LHFPL5: variants seen among roughly 807,000 people sequenced by gnomAD.
LHFPL5 encodes the protein LHFPL tetraspan subfamily member 5, also known as LHFPL tetraspan subfamily member 5 protein.
Under a neutral mutation model 18.7 loss-of-function variants are expected in LHFPL5, and 12 were observed. The ratio of observed to expected loss-of-function variants is 0.64; its 90% CI spans 0.41 to 1.04. The LOEUF is 1.04. Among genes scored for constraint, LHFPL5 ranks in the 50% least tolerant of loss-of-function variants. The pLI, the probability that LHFPL5 is intolerant of heterozygous loss-of-function variation, is 0.00. For missense variants in LHFPL5, 259 were observed against 292.1 expected (o/e 0.89, Z 0.83); for synonymous variants, 111 against 120.2 (o/e 0.92, Z 0.50).
At position 35,814,150 on chromosome 6, in the gene LHFPL5, T is replaced by A. The variant is rs1358677243; in HGVS notation, c.413-396T>A. Among the ~76,000 whole-genome samples the A allele has an allele frequency of 3.9e-5, 6 of 152,178 alleles. No homozygotes were observed. The East Asian group carries it at 9.6e-4, about 24-fold the overall frequency. On this transcript the variant is annotated intron_variant, in intron 1 of 3. Coordinates refer to ENST00000360215, the MANE Select transcript of LHFPL5 (RefSeq NM_182548.4). This position sits in a 1 kb window ranked among gnomAD's most constrained non-coding sequence, Gnocchi z 4.2. ...CAGATGTTGTAAGTACGAAGAAATG[T>A]ACATCTCAGCAGTGATGAGTTCTTT...
At chr6:35,819,179 T>C (rs932829322) in intron 2 of LHFPL5, among the ~76,000 whole-genome samples, 3 of 152,208 alleles carry the variant, frequency 2.0e-5, no homozygotes, top group African/African-American at 7.2e-5. Context: ...TAACAGCTAA[T>C]GTGCTTCAGC....
chr6:35,820,439 G>A (rs946681938), intron 3 of LHFPL5, among the ~76,000 whole-genome samples: 3 of 152,058 alleles, frequency 2.0e-5, no homozygotes, highest in African/African-American at 4.8e-5. Flanking sequence ...GGTGACTCAC[G>A]CCTGTAATCC....
chr6:35,805,560 T>A lies in LHFPL5; in HGVS notation c.-111T>A. 8.6e-7 allele frequency: 1 copy of A among 1,157,372 alleles called. No individual in the cohort carries two copies. The highest frequency in any genetic ancestry group is 1.3e-6 in the Non-Finnish European group (1 of 788,342). The allele number at this position is 1,157,372 out of a possible 1,614,324, so 71.7% of individuals were successfully genotyped here. On this transcript the variant is annotated 5_prime_UTR_variant, in exon 1 of 4. Transcript: ENST00000360215. The surrounding 1 kb of genome is among the most constrained non-coding windows in gnomAD (Gnocchi z 4.3). Reference sequence around the variant, plus strand: ...AGGGACCTCACCTGGTGCCCTGACCTCAGCCTCCTCCCCAAACCCCGCTGG... The same window carrying A: ...AGGGACCTCACCTGGTGCCCTGACCACAGCCTCCTCCCCAAACCCCGCTGG...
At chr6:35,808,487 A>G (rs981575451) in intron 1 of LHFPL5, among the ~76,000 whole-genome samples, 2 of 145,588 alleles carry the variant, frequency 1.4e-5, no homozygotes, top group Non-Finnish European at 3.0e-5. Context: ...GTCTCTACAA[A>G]AAATACAAAA....
Position 35,805,736 on chromosome 6 carries a change from G to A in LHFPL5, c.66G>A (p.Ser22=), listed in dbSNP as rs771797911. The A allele has an allele frequency of 3.1e-6, 5 of 1,614,084 alleles. No homozygotes were observed. Among genetic ancestry groups the A allele is most frequent in the African/African-American group, 1.3e-5 (1 of 74,942 alleles). The change falls in exon 1 of 4, where the codon TCG becomes TCA. Residue 22 remains serine, a synonymous_variant. Transcript: ENST00000360215. The surrounding 1 kb of genome is among the most constrained non-coding windows in gnomAD (Gnocchi z 4.3). ...ACCATACCAACTATGTGCGGAACTCGCGAGCCGTGGGCGTGATGTGGGGTA... is the reference window on the plus strand; with the variant it reads ...ACCATACCAACTATGTGCGGAACTCACGAGCCGTGGGCGTGATGTGGGGTA... ...KIYHTNYVRN[S]RAVGVMWGTL...
In LHFPL5 at chr6:35,823,412, C is replaced by CAT. The variant is rs1561957730; in HGVS notation, c.*448_*449insTA. On this transcript the variant is annotated 3_prime_UTR_variant, in exon 4 of 4. Transcript: ENST00000360215. ...ATACACACACACACACACACACACA[C>CAT]ACACACACACACATACATACACACA... 84 of 141,446 alleles carry CAT rather than the reference C, an allele frequency of 5.9e-4. No homozygotes were observed. Among genetic ancestry groups the CAT allele is most frequent in the African/African-American group, 2.1e-3 (71 of 33,246 alleles). 8.8% of individuals were successfully genotyped at this position (141,446 alleles called of 1,614,324 possible). A position where few individuals can be genotyped will look rare whatever the true frequency, so the allele number is the denominator to read the frequency against.
chr6:35,816,282 G>GT (rs1561954674), intron 2 of LHFPL5, among the ~76,000 whole-genome samples: 1 of 145,628 alleles, frequency 6.9e-6, no homozygotes, highest in East Asian at 2.0e-4. Flanking sequence ...GGAGGCAGAG[G>GT]TTGAAGTGAG....
intron 1 of LHFPL5, among the ~76,000 whole-genome samples, chr6:35,810,699 C>T (rs1319177633): frequency 1.4e-4 from 21 of 151,760 alleles, no homozygotes; most frequent in African/African-American, 5.1e-4. Context: ...TGGTGGCGGG[C>T]GCCTGTAGTC....
intron 2 of LHFPL5, among the ~76,000 whole-genome samples, chr6:35,815,610 C>T (rs1768745448): frequency 6.6e-6 from 1 of 152,158 alleles, no homozygotes; most frequent in African/African-American, 2.4e-5. Context: ...AGTCTCTTTT[C>T]CCCATAGCTG....
intron 2 of LHFPL5, among the ~76,000 whole-genome samples, chr6:35,815,502 C>G (rs1768743636): frequency 6.6e-6 from 1 of 152,150 alleles, no homozygotes; most frequent in African/African-American, 2.4e-5. Context: ...TTCCCCAAGT[C>G]AAGGGCAAGG....
At chr6:35,819,971 G>A (rs2766529) in intron 3 of LHFPL5, among the ~76,000 whole-genome samples, 8,720 of 152,120 alleles carry the variant, frequency 0.057, 803 homozygotes, top group African/African-American at 0.19. Context: ...GAGCCCACGC[G>A]CCTGGCCTTA....
chr6:35,821,857 A>ATTT (rs763639486), intron 3 of LHFPL5, among the ~76,000 whole-genome samples: 3,614 of 39,176 alleles, frequency 0.092, 1,174 homozygotes, highest in South Asian at 0.13. Flanking sequence ...GTGTACCACA[A>ATTT]TTTTTTTTTT....
intron 1 of LHFPL5, among the ~76,000 whole-genome samples, chr6:35,809,936 G>A (rs1768635952): frequency 6.6e-6 from 1 of 152,218 alleles, no homozygotes; most frequent in Non-Finnish European, 1.5e-5. Context: ...TTCCTACTGA[G>A]AAAATGAAGG....
At chr6:35,819,690 T>C in intron 3 of LHFPL5, 2 of 582,860 alleles carry the variant, frequency 3.4e-6, no homozygotes, top group Non-Finnish European at 6.1e-6. Flanking sequence ...GTCTTTTTTT[T>C]TTTTGAGATG....
intron 1 of LHFPL5, among the ~76,000 whole-genome samples, chr6:35,808,810 A>T (rs1768618447): frequency 6.6e-6 from 1 of 151,472 alleles, no homozygotes; most frequent in Admixed American, 6.6e-5. Context: ...CAGTGCCAGG[A>T]GGGGGAGGGG....
chr6:35,810,782 G>A (rs962511689), intron 1 of LHFPL5, among the ~76,000 whole-genome samples: 12 of 148,960 alleles, frequency 8.1e-5, no homozygotes, highest in African/African-American at 2.0e-4. Flanking sequence ...AGCCAAGATC[G>A]CGCCACTGCA....
At chr6:35,810,940 A>C (rs1296975768) in intron 1 of LHFPL5, among the ~76,000 whole-genome samples, 2 of 152,174 alleles carry the variant, frequency 1.3e-5, no homozygotes, top group African/African-American at 4.8e-5. Flanking sequence ...GGCTTAGAAC[A>C]ACGGTTTATG....
rs201943402 is a variant in LHFPL5 at position 35,818,761 on chromosome 6, C to CTT, written c.650-666_650-665dup. ...CAAGTGATTAATAAATTAGTTCTCC[C>CTT]TTTTTTTTTTTGATGCCACAGTAGC... On this transcript the variant is annotated intron_variant, in intron 2 of 3. Transcript: ENST00000360215. Among the ~76,000 whole-genome samples the CTT allele has an allele frequency of 5.0e-3, 735 of 146,632 alleles. 3 individuals are homozygous for CTT. Among genetic ancestry groups the CTT allele is most frequent in the Admixed American group, 7.7e-3 (113 of 14,674 alleles).
chr6:35,810,609 C>T (rs1324730427), intron 1 of LHFPL5, among the ~76,000 whole-genome samples: 1 of 151,966 alleles, frequency 6.6e-6, no homozygotes, highest in Non-Finnish European at 1.5e-5. Context: ...GGGAAAGTCC[C>T]AGGCACAGCT....
Sources: allele counts gnomAD v4.1 joint callset (sites outside exome capture counted in the v4.1 genomes callset), GRCh38; gene constraint gnomAD v4.1.1; non-coding constraint Gnocchi (gnomAD v3.1); transcripts MANE v1.5; gene names NCBI Gene and HGNC (gene_info 2026-07-23, HGNC 2026-07-21).